The following KIAA0232 variants were observed in gnomAD, a reference collection of about 807,000 sequenced individuals.
The protein encoded by KIAA0232 is uncharacterized protein KIAA0232.
In KIAA0232, 27 loss-of-function variants were observed where a neutral mutation model predicts 122.0. The ratio of observed to expected loss-of-function variants is 0.22; its 90% CI spans 0.16 to 0.31. The LOEUF (loss-of-function observed/expected upper bound fraction) is 0.31. KIAA0232 is among the 10% of genes least tolerant of loss of function. The probability of loss-of-function intolerance (pLI) is 1.00; values close to 1 mark genes in which losing one functional copy is unlikely to be tolerated. For synonymous variants in KIAA0232, 613 were observed against 587.6 expected (o/e 1.04, Z -0.63); for missense variants, 1,551 against 1,634.2 (o/e 0.95, Z 0.88).
At chr4:6,800,126 C>T (rs182985302) in intron 1 of KIAA0232, among the ~76,000 whole-genome samples, 47 of 123,956 alleles carry the variant, frequency 3.8e-4, no homozygotes, top group African/African-American at 1.2e-3. Context: ...GGCATGATCT[C>T]GGCTGACTGC....
At chr4:6,801,487 G>T (rs891763298) in intron 1 of KIAA0232, among the ~76,000 whole-genome samples, 1 of 151,560 alleles carries the variant, frequency 6.6e-6, no homozygotes, top group Non-Finnish European at 1.5e-5. Flanking sequence ...CTAGGAGTTC[G>T]TGACCAGCCT....
At chr4:6,803,818 C>T (rs191409862) in intron 1 of KIAA0232, among the ~76,000 whole-genome samples, 3 of 152,044 alleles carry the variant, frequency 2.0e-5, no homozygotes, top group Admixed American at 1.3e-4. Flanking sequence ...TATTTTCTTC[C>T]TTTACATTTA....
intron 2 of KIAA0232, among the ~76,000 whole-genome samples, chr4:6,813,551 A>T (rs1717974714): frequency 6.6e-6 from 1 of 151,766 alleles, no homozygotes; most frequent in African/African-American, 2.4e-5. Flanking sequence ...TTTAGTAGAG[A>T]TGGGGTTTCA....
intron 3 of KIAA0232, among the ~76,000 whole-genome samples, chr4:6,832,476 G>A (rs1375664658): frequency 6.6e-6 from 1 of 151,628 alleles, no homozygotes; most frequent in African/African-American, 2.4e-5. Context: ...AGCCACCCGA[G>A]TAGCTGGCAT....
Position 6,861,867 on chromosome 4 carries a change from T to C in KIAA0232, c.1485T>C (p.Asn495=). 6.2e-7 allele frequency: 1 copy of C among 1,614,070 alleles called. No homozygotes were observed. The highest frequency in any genetic ancestry group is 8.5e-7 in the Non-Finnish European group (1 of 1,179,954). Residue 495 remains asparagine, a synonymous_variant, in exon 7 of 10, where the codon AAT becomes AAC. Coordinates refer to ENST00000307659, the MANE Select transcript of KIAA0232 (RefSeq NM_014743.3). ...GTSLCSLPED[N]KYLDDIHLSE... is the part of the protein sequence containing the mutation. ...CATTATGTTCTCTACCAGAGGACAA[T>C]AAATACCTGGATGATATTCATCTAT... is the stretch of plus-strand genomic sequence containing the variant.
chr4:6,831,801 T>G (rs1056737999), intron 3 of KIAA0232, among the ~76,000 whole-genome samples: 2 of 152,174 alleles, frequency 1.3e-5, no homozygotes, highest in Non-Finnish European at 2.9e-5. Context: ...CATCTGTATC[T>G]CAGGTGTTCT....
chr4:6,843,566 C>T (rs563418293), intron 4 of KIAA0232, among the ~76,000 whole-genome samples: 26 of 152,184 alleles, frequency 1.7e-4, no homozygotes, highest in Admixed American at 6.5e-4. Context: ...GTCAGGAGTT[C>T]GAGACCAGCC....
intron 9 of KIAA0232, among the ~76,000 whole-genome samples, chr4:6,878,381 A>ATATATACG (rs1560214616): frequency 7.6e-6 from 1 of 132,364 alleles, no homozygotes; most frequent in East Asian, 1.9e-4. Context: ...TCATTCATTC[A>ATATATACG]TACATACATA....
In KIAA0232 at chr4:6,863,431, T is replaced by C; in HGVS notation, c.3049T>C (p.Phe1017Leu). 6.2e-7 allele frequency: 1 copy of C among 1,614,104 alleles called. No individual in the cohort carries two copies. Residue 1017 changes from phenylalanine (F) to leucine (L), a missense_variant, in exon 7 of 10, where the codon TTC (phenylalanine) becomes CTC (leucine). Physicochemically the swap from Phe to Leu is conservative, Grantham distance 22. This residue lies in a region of KIAA0232 where 1,108 missense variants were observed against 1,154.8 expected (regional missense o/e 0.96). Transcript: ENST00000307659. ...GTTAAATAAGGGATTTTCTTTTATC[T>C]TCCATGAAGACTTACTAGGAGCTTG... ...NGLNKGFSFI[F>L]HEDLLGACGN...
At chr4:6,876,209 T>C (rs937425240) in intron 8 of KIAA0232, among the ~76,000 whole-genome samples, 1 of 152,234 alleles carries the variant, frequency 6.6e-6, no homozygotes, top group African/African-American at 2.4e-5. Flanking sequence ...GTTTCTCCAT[T>C]GCGTTCCCTT....
intron 9 of KIAA0232, 137 bp downstream of exon 9, chr4:6,876,894 C>A: frequency 1.6e-6 from 1 of 627,744 alleles, no homozygotes; most frequent in Non-Finnish European, 2.9e-6. Flanking sequence ...TGGGTGCAGA[C>A]TTCCTGTTCT....
chr4:6,806,344 A>G (rs1211602541), intron 2 of KIAA0232, among the ~76,000 whole-genome samples: 1 of 152,252 alleles, frequency 6.6e-6, no homozygotes, highest in Non-Finnish European at 1.5e-5. Flanking sequence ...AGAATCATCA[A>G]ATAACTGGAA....
intron 1 of KIAA0232, among the ~76,000 whole-genome samples, chr4:6,801,677 GAAAA>G (rs367774914): frequency 1.4e-5 from 2 of 139,732 alleles, no homozygotes; most frequent in African/African-American, 5.2e-5. Context: ...GGACGAAAAG[GAAAA>G]AAAAAAAAGA....
chr4:6,836,333 TTTG>T (rs1719267381), intron 3 of KIAA0232, among the ~76,000 whole-genome samples: 1 of 151,312 alleles, frequency 6.6e-6, no homozygotes, highest in Non-Finnish European at 1.5e-5. Flanking sequence ...TGTTTTTTGT[TTTG>T]TTTTTTTTTT....
chr4:6,792,183 T>C (rs1287780790), intron 1 of KIAA0232, among the ~76,000 whole-genome samples: 2 of 152,232 alleles, frequency 1.3e-5, no homozygotes, highest in Admixed American at 6.5e-5. Flanking sequence ...TACACAGATC[T>C]ACTTTAGGTA....
intron 9 of KIAA0232, among the ~76,000 whole-genome samples, chr4:6,877,572 GCCAGTC>G (rs1411141581): frequency 6.6e-6 from 1 of 152,064 alleles, no homozygotes; most frequent in Non-Finnish European, 1.5e-5. Context: ...AGGAAGGAGA[GCCAGTC>G]CCAGTCCCAG....
At chr4:6,864,599 C>T (rs912016792) in intron 7 of KIAA0232, among the ~76,000 whole-genome samples, 1 of 151,790 alleles carries the variant, frequency 6.6e-6, no homozygotes, top group Non-Finnish European at 1.5e-5. Flanking sequence ...ATTACCCAGG[C>T]GTGGTGGCAG....
chr4:6,811,830 TC>T (rs1273100816), intron 2 of KIAA0232, among the ~76,000 whole-genome samples: 6 of 148,956 alleles, frequency 4.0e-5, no homozygotes, highest in African/African-American at 1.5e-4. Context: ...TGTTGCATAA[TC>T]TACCCTATTT....
At chr4:6,825,283 G>A (rs1364244036) in intron 3 of KIAA0232, among the ~76,000 whole-genome samples, 1 of 152,114 alleles carries the variant, frequency 6.6e-6, no homozygotes, top group African/African-American at 2.4e-5. Context: ...GGGTGTGGTG[G>A]TTCACACTTA....
Sources: gnomAD v4.1 joint callset for allele counts (sites outside exome capture counted in the v4.1 genomes callset) on GRCh38, gnomAD v4.1.1 for gene constraint, gnomAD v4.1.1 regional missense constraint, MANE v1.5 for transcripts, NCBI Gene and HGNC (gene_info 2026-07-23, HGNC 2026-07-21) for gene names.